The following DCC variants were observed in gnomAD, a reference collection of about 807,000 sequenced individuals.
The protein encoded by DCC is netrin receptor DCC.
A neutral mutation model predicts 172.5 loss-of-function variants in DCC; 58 were observed. The observed-to-expected ratio is 0.34, with a 90% CI of 0.27 to 0.42. The LOEUF is 0.42. Ranked by LOEUF, DCC falls within the 10% of genes least tolerant of loss-of-function variation. The pLI, the probability that DCC is intolerant of heterozygous loss-of-function variation, is 1.00. For missense variants in DCC, 1,740 were observed against 1,791.0 expected, an observed-to-expected ratio of 0.97 and a Z score of 0.51; for synonymous variants, 709 against 644.5, an observed-to-expected ratio of 1.10 and a Z score of -1.52.
At chr18:53,224,188 A>G (rs1387318909) in intron 12 of DCC, among the ~76,000 whole-genome samples, 1 of 152,200 alleles carries the variant, frequency 6.6e-6, no homozygotes, top group East Asian at 1.9e-4. Flanking sequence ...TGAGGACCTC[A>G]TTTAAATCAG....
chr18:52,509,885 C>T (rs1003473524), intron 1 of DCC, among the ~76,000 whole-genome samples: 10 of 152,072 alleles, frequency 6.6e-5, no homozygotes, highest in Non-Finnish European at 1.3e-4. Context: ...TGTAGATCAC[C>T]GGAGGTCCGG....
intron 21 of DCC, among the ~76,000 whole-genome samples, chr18:53,424,467 A>C (rs936051715): frequency 6.6e-6 from 1 of 152,148 alleles, no homozygotes; most frequent in Non-Finnish European, 1.5e-5. Context: ...GGATATTAAC[A>C]CTTCCAGTCC....
chr18:52,653,420 T>C (rs1466687227), intron 1 of DCC, among the ~76,000 whole-genome samples: 1 of 152,208 alleles, frequency 6.6e-6, no homozygotes, highest in African/African-American at 2.4e-5. Flanking sequence ...AACTAAAAAT[T>C]CTATGTGGCA....
chr18:53,296,449 A>G (rs1247288179), intron 12 of DCC, among the ~76,000 whole-genome samples: 4 of 152,152 alleles, frequency 2.6e-5, no homozygotes, highest in East Asian at 1.9e-4. Flanking sequence ...AGGGACTGCT[A>G]TTAGCTCATA....
In DCC at chr18:53,175,439, A is replaced by G. The variant is rs372428521; in HGVS notation, c.1419-3523A>G. Among the ~76,000 whole-genome samples, 5 of 152,104 alleles carry G rather than the reference A, an allele frequency of 3.3e-5. No individual in the cohort carries two copies. The South Asian group carries it at 6.3e-4, about 19-fold the overall frequency. ...ATATCTAGAAAACCCCATCGTCTCA[A>G]CCCAAAATCTCCTTAAGCTGATAAG... On this transcript the variant is annotated intron_variant, in intron 8 of 28. Coordinates refer to ENST00000442544, the MANE Select transcript of DCC (RefSeq NM_005215.4).
At chr18:52,358,695 C>CT (rs1248438420) in intron 1 of DCC, among the ~76,000 whole-genome samples, 1 of 152,144 alleles carries the variant, frequency 6.6e-6, no homozygotes, top group Non-Finnish European at 1.5e-5. Context: ...TCCTGCAATG[C>CT]TTTCCTTACA....
intron 28 of DCC, among the ~76,000 whole-genome samples, chr18:53,529,023 CT>C (rs2046491811): frequency 1.3e-5 from 1 of 75,222 alleles, no homozygotes; most frequent in African/African-American, 4.6e-5. Flanking sequence ...CTCTCTCTCT[CT>C]CTCTCTCTCT....
chr18:53,064,251 T>G (rs1568280304), intron 6 of DCC, among the ~76,000 whole-genome samples: 1 of 152,144 alleles, frequency 6.6e-6, no homozygotes, highest in Non-Finnish European at 1.5e-5. Flanking sequence ...GCAGAATGCT[T>G]GTCTCATTTG....
At chr18:52,767,712 G>A (rs1311331956) in intron 2 of DCC, among the ~76,000 whole-genome samples, 1 of 152,100 alleles carries the variant, frequency 6.6e-6, no homozygotes, top group East Asian at 1.9e-4. Context: ...AATACCTGTA[G>A]TACAAACGTT....
chr18:52,940,183 C>T (rs1175656274), intron 5 of DCC, among the ~76,000 whole-genome samples: 1 of 152,116 alleles, frequency 6.6e-6, no homozygotes, highest in Non-Finnish European at 1.5e-5. Flanking sequence ...TAAGGCAAGA[C>T]ATTTATATTC....
At chr18:52,699,475 T>C (rs116181921) in intron 1 of DCC, among the ~76,000 whole-genome samples, 161 of 152,358 alleles carry the variant, frequency 1.1e-3, no homozygotes, top group African/African-American at 3.6e-3. Flanking sequence ...ATTACATAAA[T>C]GACATTAGCA....
In DCC at chr18:53,531,252, A is replaced by G. The variant is rs1302594068; in HGVS notation, c.*599A>G. ...CATTCATCTTGCACAAGTGGTGGAT[A>G]TTAGTGAGTGGCTAAAAATTCACCT... On this transcript the variant is annotated 3_prime_UTR_variant, in exon 29 of 29. Transcript: ENST00000442544. 6.3e-6 allele frequency: 1 copy of G among 159,930 alleles called. No homozygotes were observed. The highest frequency in any genetic ancestry group is 2.4e-5 in the African/African-American group (1 of 41,550). 9.9% of individuals were successfully genotyped at this position (159,930 alleles called of 1,614,324 possible). A position where few individuals can be genotyped will look rare whatever the true frequency, so the allele number is the denominator to read the frequency against.
intron 5 of DCC, chr18:52,931,919 C>A (rs887193949): frequency 5.3e-5 from 8 of 151,820 alleles, no homozygotes; most frequent in Admixed American, 2.6e-4. Flanking sequence ...AATCAGTTGG[C>A]CTAATACTGT....
Position 53,428,075 on chromosome 18 carries a change from ATATAT to A in DCC, c.3164-7064_3164-7060del, listed in dbSNP as rs1261973574. ...ATAATAATGTGTCATATATCATATA[ATATAT>A]TATAATAATATATAATATATAATAT... On this transcript the variant is annotated intron_variant, in intron 21 of 28. Coordinates refer to ENST00000442544, the MANE Select transcript of DCC (RefSeq NM_005215.4). Among the ~76,000 whole-genome samples the A allele has an allele frequency of 7.2e-4, 38 of 52,958 alleles. 9 individuals carry two copies. The highest frequency in any genetic ancestry group is 0.022 in the Middle Eastern group (1 of 46). The allele number at this position is 52,958 out of a possible 152,430, so 34.7% of individuals were successfully genotyped here.
intron 1 of DCC, among the ~76,000 whole-genome samples, chr18:52,480,004 G>A (rs996896420): frequency 6.6e-6 from 1 of 151,960 alleles, no homozygotes; most frequent in Non-Finnish European, 1.5e-5. Flanking sequence ...TCTATGTAAT[G>A]CCCTCTATAT....
At chr18:53,435,734 C>T (rs925284802) in intron 22 of DCC, among the ~76,000 whole-genome samples, 14 of 152,130 alleles carry the variant, frequency 9.2e-5, no homozygotes, top group Non-Finnish European at 7.4e-5. Context: ...TTCTGCTCAT[C>T]CTAGTGGAGC....
At chr18:52,830,615 C>A (rs1229233818) in intron 2 of DCC, among the ~76,000 whole-genome samples, 1 of 152,290 alleles carries the variant, frequency 6.6e-6, no homozygotes, top group East Asian at 1.9e-4. Context: ...GTAGCCTGAT[C>A]TTCTACTCTT....
At chr18:53,113,202 T>C (rs1279789026) in intron 7 of DCC, among the ~76,000 whole-genome samples, 5 of 151,530 alleles carry the variant, frequency 3.3e-5, no homozygotes, top group Non-Finnish European at 7.4e-5. Context: ...TATATTTTAT[T>C]GTTTTTAAAA....
At chr18:52,792,635 T>C (rs1246439314) in intron 2 of DCC, among the ~76,000 whole-genome samples, 1 of 152,154 alleles carries the variant, frequency 6.6e-6, no homozygotes, top group East Asian at 1.9e-4. Context: ...CTCCAGTAGG[T>C]GTGACATCCG....
Sources: gnomAD v4.1 joint callset for allele counts (sites outside exome capture counted in the v4.1 genomes callset) on GRCh38, gnomAD v4.1.1 for gene constraint, MANE v1.5 for transcripts, NCBI Gene and HGNC (gene_info 2026-07-23, HGNC 2026-07-21) for gene names.